Variants in ABCC2 observed in about 807,000 individuals in gnomAD.
ABCC2 encodes the protein ATP-binding cassette sub-family C member 2.
ABCC2 carries 157 observed loss-of-function variants against 173.4 expected under a neutral mutation model. The ratio of observed to expected loss-of-function variants is 0.91; its 90% CI spans 0.80 to 1.03. ABCC2 has a LOEUF of 1.03. Ranked by LOEUF, ABCC2 falls within the 50% of genes least tolerant of loss-of-function variation. The pLI is 0.00. For synonymous variants in ABCC2, 657 were observed against 693.5 expected (o/e 0.95, Z 0.83); for missense variants, 1,822 against 1,852.3 (o/e 0.98, Z 0.30).
intron 26 of ABCC2, among the ~76,000 whole-genome samples, chr10:99,842,474 C>G (rs556366169): frequency 2.3e-4 from 35 of 151,982 alleles, no homozygotes; most frequent in Non-Finnish European, 4.0e-4. Flanking sequence ...GTTTATTTTT[C>G]TTAGATCGTA....
At position 99,851,561 on chromosome 10, in the gene ABCC2, A is replaced by C. The variant is rs533470370; in HGVS notation, c.4568A>C (p.Gln1523Pro). ...IECGSPEELL[Q>P]IPGPFYFMAK... ...TGCGGCAGCCCTGAAGAACTGCTAC[A>C]AATCCCTGGACCCTTTTACTTTATG... Residue 1523 changes from glutamine to proline, a missense_variant, in exon 32 of 32, where the codon CAA becomes CCA. Transcript: ENST00000647814. The C allele has an allele frequency of 1.3e-3, 2,059 of 1,614,200 alleles. 45 individuals are homozygous for C. The South Asian group carries it at 0.022, about 17-fold the overall frequency.
chr10:99,820,713 G>A (rs2038519828), intron 19 of ABCC2, among the ~76,000 whole-genome samples: 1 of 152,186 alleles, frequency 6.6e-6, no homozygotes. Context: ...AGGAGAGTGG[G>A]GCAGGAGTAT....
intron 16 of ABCC2, among the ~76,000 whole-genome samples, chr10:99,814,194 T>TGTGTATATATACACAC (rs2038285797): frequency 3.1e-5 from 1 of 31,996 alleles, no homozygotes; most frequent in Non-Finnish European, 6.6e-5. Flanking sequence ...TATACACACA[T>TGTGTATATATACACAC]GTGTATATAT....
chr10:99,817,332 C>A lies in ABCC2; in HGVS notation c.2119C>A (p.Gln707Lys). ...GGGCACCACTGCCTATGTCCCACAG[C>A]AGTCCTGGATTCAGAATGGCACCAT... ...IKGTTAYVPQ[Q>K]SWIQNGTIKD... is the part of the protein sequence containing the mutation. Residue 707 changes from glutamine to lysine, a missense_variant, in exon 17 of 32, where the codon CAG (glutamine) becomes AAG (lysine). By Grantham distance (53) the Gln-to-Lys change is moderately conservative. Transcript: ENST00000647814. 1 of 1,614,190 alleles carries A rather than the reference C, an allele frequency of 6.2e-7. No individual in the cohort carries two copies. The highest frequency in any genetic ancestry group is 2.2e-5 in the East Asian group (1 of 44,884).
At chr10:99,845,062 C>T (rs1163289511) in intron 28 of ABCC2, among the ~76,000 whole-genome samples, 1 of 152,076 alleles carries the variant, frequency 6.6e-6, no homozygotes, top group Admixed American at 6.6e-5. Flanking sequence ...TGGAGTCTCA[C>T]TCTATCACCC....
intron 11 of ABCC2, among the ~76,000 whole-genome samples, chr10:99,806,071 C>T (rs377034721): frequency 1.9e-4 from 10 of 52,914 alleles, no homozygotes; most frequent in African/African-American, 8.7e-4. Context: ...GTCTCTCTCT[C>T]TCTGTCTGTG....
chr10:99,807,940 G>A, intron 12 of ABCC2, 143 bp from the exon 13 acceptor site: 1 of 1,012,512 alleles, frequency 9.9e-7, no homozygotes, highest in Non-Finnish European at 1.5e-6. Flanking sequence ...CCTCTCCTGG[G>A]CTCAGTTTTC....
At chr10:99,814,604 T>TACACACAC (rs2038345643) in intron 16 of ABCC2, among the ~76,000 whole-genome samples, 3 of 102,862 alleles carry the variant, frequency 2.9e-5, no homozygotes, top group Admixed American at 9.3e-5. Context: ...TACACACACA[T>TACACACAC]ATGTGTATAT....
chr10:99,850,165 A>T (rs2039068898), intron 30 of ABCC2, among the ~76,000 whole-genome samples: 1 of 152,218 alleles, frequency 6.6e-6, no homozygotes, highest in Non-Finnish European at 1.5e-5. Flanking sequence ...ACCCTATATT[A>T]ATGGCTTCAG....
rs1359163275 is a variant in ABCC2, at chr10:99,813,106, G to A, written c.2056G>A (p.Gly686Arg). ...GKSSLISAMLGEMENVHGHIT... is the reference protein window; with the variant it reads ...GKSSLISAMLREMENVHGHIT... Reference sequence around the variant, plus strand: ...ATCCTCCTTGATATCAGCCATGCTGGGAGAAATGGAAAATGTCCACGGGCA... The same window carrying A: ...ATCCTCCTTGATATCAGCCATGCTGAGAGAAATGGAAAATGTCCACGGGCA... Residue 686 changes from glycine to arginine, a missense_variant, in exon 16 of 32, where the codon GGA becomes AGA. Transcript: ENST00000647814. 1.2e-6 allele frequency: 2 copies of A among 1,613,912 alleles called. No homozygotes were observed. The highest frequency in any genetic ancestry group is 3.3e-5 in the Admixed American group (2 of 60,002).
At position 99,831,754 on chromosome 10, in the gene ABCC2, C is replaced by A. The variant is rs1189158317; in HGVS notation, c.3027C>A (p.Ile1009=). 1 of 1,614,064 alleles carries A rather than the reference C, an allele frequency of 6.2e-7. No homozygotes were observed. Among genetic ancestry groups the A allele is most frequent in the African/African-American group, 1.3e-5 (1 of 74,918 alleles). Reference sequence around the variant, plus strand: ...GTGCTTGGACCAGTGACTCTAAAATCTTCAATAGCACCGACTATCCAGCAT... The same window carrying A: ...GTGCTTGGACCAGTGACTCTAAAATATTCAATAGCACCGACTATCCAGCAT... The part of the protein sequence containing the change: ...WLSAWTSDSK[I]FNSTDYPASQ... The change falls in exon 22 of 32, where the codon ATC becomes ATA. Residue 1009 remains isoleucine (I), a synonymous_variant. Transcript: ENST00000647814.
At chr10:99,832,179 C>T in intron 23 of ABCC2, 48 bp downstream of exon 23, 1 of 1,611,214 alleles carries the variant, frequency 6.2e-7, no homozygotes, top group Non-Finnish European at 8.5e-7. Context: ...TACTGAGGAT[C>T]TTTCTGATAG....
At chr10:99,840,634 C>A (rs1313633252) in intron 25 of ABCC2, among the ~76,000 whole-genome samples, 1 of 146,502 alleles carries the variant, frequency 6.8e-6, no homozygotes, top group Non-Finnish European at 1.5e-5. Flanking sequence ...GCCTCAGCCT[C>A]CTGAGTAGCT....
chr10:99,835,954 C>T (rs899999651), intron 24 of ABCC2, 137 bp from the exon 25 acceptor site: 2 of 829,002 alleles, frequency 2.4e-6, no homozygotes, highest in African/African-American at 3.4e-5. Context: ...CCAGACATGG[C>T]ACTGCAGGCT....
intron 2 of ABCC2, among the ~76,000 whole-genome samples, chr10:99,787,556 T>C (rs1311271217): frequency 6.6e-6 from 1 of 152,218 alleles, no homozygotes; most frequent in African/African-American, 2.4e-5. Context: ...ATTGTCAGCA[T>C]TGAGTTATTT....
chr10:99,784,689 T>C lies in ABCC2; in HGVS notation c.115T>C (p.Tyr39His). The C allele has an allele frequency of 6.2e-7, 1 of 1,614,220 alleles. No homozygotes were observed. Among genetic ancestry groups the C allele is most frequent in the East Asian group, 2.2e-5 (1 of 44,884 alleles). Residue 39 changes from tyrosine (Y) to histidine (H), a missense_variant, in exon 2 of 32, where the codon TAC becomes CAC. By Grantham distance (83) the Tyr-to-His change is moderately conservative. Transcript: ENST00000647814. Reference protein sequence around the residue: ...QTVLVWIPLGYLWLLAPWQLL... With the variant: ...QTVLVWIPLGHLWLLAPWQLL... ...TGTTCTGGTGTGGATTCCCTTGGGC[T>C]ACCTATGGCTCCTGGCCCCCTGGCA...
chr10:99,814,102 C>CACATATATGTGTATATACACATATATAT lies in ABCC2; in HGVS notation c.2094+961_2094+962insTATATGTGTATATACACATATATATACA, dbSNP rs1564682969. On this transcript the variant is annotated intron_variant, in intron 16 of 31. Transcript: ENST00000647814. ...GTATGTGTATATACACATATATATACACACATATGTGTATATACACACATA... is the reference window on the plus strand; with the variant it reads ...GTATGTGTATATACACATATATATACACATATATGTGTATATACACATATATATACACATATGTGTATATACACACATA... Among the ~76,000 whole-genome samples the CACATATATGTGTATATACACATATATAT allele has an allele frequency of 3.5e-4, 35 of 100,800 alleles. 11 individuals are homozygous for CACATATATGTGTATATACACATATATAT. The highest frequency in any genetic ancestry group is 1.3e-3 in the African/African-American group (33 of 26,252). 66.1% of individuals were successfully genotyped at this position (100,800 alleles called of 152,430 possible).
intron 15 of ABCC2, among the ~76,000 whole-genome samples, chr10:99,812,621 A>T (rs1265533978): frequency 1.3e-5 from 2 of 152,216 alleles, no homozygotes; most frequent in Admixed American, 1.3e-4. Context: ...GTCCAAAGGA[A>T]GTGACCTTCC....
At chr10:99,802,324 G>T (rs2133010410) in intron 9 of ABCC2, among the ~76,000 whole-genome samples, 1 of 152,224 alleles carries the variant, frequency 6.6e-6, no homozygotes, top group Admixed American at 6.5e-5. Context: ...CTATTGCCCT[G>T]TGAAATAAGT....
Sources: gnomAD v4.1 joint callset for allele counts (sites outside exome capture counted in the v4.1 genomes callset) on GRCh38, gnomAD v4.1.1 for gene constraint, MANE v1.5 for transcripts, NCBI Gene and HGNC (gene_info 2026-07-23, HGNC 2026-07-21) for gene names.